Variants in VPS13A observed in about 807,000 individuals in gnomAD.
VPS13A encodes vacuolar protein sorting 13 homolog A.
VPS13A carries 264 observed loss-of-function variants against 390.9 expected under a neutral mutation model. That is an observed-to-expected ratio of 0.68 (90% CI 0.61 to 0.75). The LOEUF (loss-of-function observed/expected upper bound fraction) is 0.75, where lower values mean the gene tolerates loss of function less well. VPS13A is among the 30% of genes least tolerant of loss of function. VPS13A has a pLI of 0.00. For synonymous variants in VPS13A, 1,231 were observed against 1,227.1 expected, an observed-to-expected ratio of 1.00 and a Z score of -0.07; for missense variants, 3,409 against 3,733.9, an observed-to-expected ratio of 0.91 and a Z score of 2.27.
chr9:77,217,644 C>T (rs1046602092), intron 10 of VPS13A, among the ~76,000 whole-genome samples: 1 of 152,142 alleles, frequency 6.6e-6, no homozygotes, highest in African/African-American at 2.4e-5. Context: ...ATGTGATTTT[C>T]TTCTTTTTTT....
chr9:77,264,240 C>T (rs1191772668), intron 23 of VPS13A, among the ~76,000 whole-genome samples: 3 of 152,138 alleles, frequency 2.0e-5, no homozygotes, highest in African/African-American at 4.8e-5. Flanking sequence ...ATGCCTCCAG[C>T]TTTGTTCTTT....
intron 1 of VPS13A, among the ~76,000 whole-genome samples, chr9:77,182,436 G>GC (rs1824078957): frequency 1.3e-5 from 2 of 151,958 alleles, no homozygotes; most frequent in African/African-American, 4.8e-5. Context: ...ATCAGAATCA[G>GC]CCATAGGTGC....
chr9:77,382,198 A>C, intron 68 of VPS13A, 111 bp downstream of exon 68: 1 of 1,355,274 alleles, frequency 7.4e-7, no homozygotes, highest in East Asian at 2.6e-5. Context: ...ATTTTGCTTA[A>C]TTCCACTTAT....
intron 1 of VPS13A, among the ~76,000 whole-genome samples, chr9:77,194,584 T>C (rs1402380625): frequency 6.6e-6 from 1 of 152,106 alleles, no homozygotes. Flanking sequence ...AGCAGCTGTC[T>C]TTGCAACCTC....
chr9:77,406,472 T>C (rs186313419), intron 70 of VPS13A, among the ~76,000 whole-genome samples: 5 of 152,264 alleles, frequency 3.3e-5, no homozygotes, highest in Non-Finnish European at 7.4e-5. Flanking sequence ...CAAGCTGGAG[T>C]GCAGTGGCGC....
intron 68 of VPS13A, chr9:77,384,725 A>G (rs368970576): frequency 5.1e-6 from 8 of 1,562,272 alleles, no homozygotes; most frequent in South Asian, 1.1e-5. Flanking sequence ...TTTCATTAAC[A>G]TGTTTTGTAT....
At chr9:77,301,364 T>C (rs17063519) in intron 33 of VPS13A, among the ~76,000 whole-genome samples, 1,900 of 152,282 alleles carry the variant, frequency 0.012, 75 homozygotes, top group Admixed American at 0.081. Flanking sequence ...AGAAAACCTA[T>C]GTGTGCAGCA....
chr9:77,385,445 TATTATGA>T (rs1833641837), intron 68 of VPS13A, among the ~76,000 whole-genome samples: 1 of 150,426 alleles, frequency 6.6e-6, no homozygotes, highest in Non-Finnish European at 1.5e-5. Context: ...ACTATATTTC[TATTATGA>T]ATTCAGAATA....
rs547850186 is a variant in VPS13A at position 77,195,861 on chromosome 9, GT to G, written c.101-4077del. On this transcript the variant is annotated intron_variant, in intron 1 of 71. Coordinates refer to ENST00000360280, the MANE Select transcript of VPS13A (RefSeq NM_033305.3). ...TTCTGCTAGGTTTGCATTTTGTTTTGTTTTTTTCCCTATTTCCTTAAGGAAT... is the reference window on the plus strand; with the variant it reads ...TTCTGCTAGGTTTGCATTTTGTTTTGTTTTTTCCCTATTTCCTTAAGGAAT... Among the ~76,000 whole-genome samples the G allele has an allele frequency of 5.9e-4, 88 of 150,194 alleles. 3 individuals are homozygous for G. In the Middle Eastern group the frequency reaches 0.027, roughly 46 times the overall value.
At chr9:77,403,650 G>T (rs1338347295) in intron 69 of VPS13A, among the ~76,000 whole-genome samples, 1 of 152,204 alleles carries the variant, frequency 6.6e-6, no homozygotes, top group African/African-American at 2.4e-5. Flanking sequence ...TATCCCAGAA[G>T]TCAGCAGTCC....
intron 67 of VPS13A, among the ~76,000 whole-genome samples, chr9:77,379,285 G>A (rs1833298522): frequency 6.8e-6 from 1 of 147,894 alleles, no homozygotes; most frequent in Non-Finnish European, 1.5e-5. Flanking sequence ...TTGTTGCCCA[G>A]GCTGGAGTGC....
At chr9:77,290,675 A>G (rs545466233) in intron 31 of VPS13A, among the ~76,000 whole-genome samples, 1 of 152,182 alleles carries the variant, frequency 6.6e-6, no homozygotes, top group East Asian at 1.9e-4. Context: ...ATCTTGACCT[A>G]TTTTCAAATC....
chr9:77,318,288 A>G lies in VPS13A; in HGVS notation c.5010A>G (p.Thr1670=), dbSNP rs765201493. The G allele has an allele frequency of 1.2e-5, 19 of 1,609,460 alleles. No homozygotes were observed. Among genetic ancestry groups the G allele is most frequent in the Non-Finnish European group, 1.6e-5 (19 of 1,178,856 alleles). Residue 1670 remains threonine (T), a synonymous_variant, in exon 41 of 72, where the codon ACA becomes ACG. Transcript: ENST00000360280. ...TTACCATAACTTCAGCACTGTATAC[A>G]ACTAAGGAAACCATCCCAGAAGAAA... is the stretch of plus-strand genomic sequence containing the variant. ...TMITITSALY[T]TKETIPEETA...
At chr9:77,332,856 A>G (rs1048887086) in intron 46 of VPS13A, among the ~76,000 whole-genome samples, 28 of 152,340 alleles carry the variant, frequency 1.8e-4, no homozygotes, top group African/African-American at 5.3e-4. Context: ...ACAGAAGGAC[A>G]GAGGCAAAAC....
Position 77,323,159 on chromosome 9 carries a change from A to G in VPS13A, c.5923A>G (p.Arg1975Gly), listed in dbSNP as rs756768950. The G allele has an allele frequency of 2.5e-6, 4 of 1,613,470 alleles. No homozygotes were observed. The African/African-American group carries it at 4.0e-5, about 16-fold the overall frequency. Residue 1975 changes from arginine to glycine, a missense_variant, in exon 45 of 72, where the codon AGA becomes GGA. Around this residue, in one of 5 missense-constraint regions of VPS13A, gnomAD observed 2,717 missense variants for 2,917.4 expected, o/e 0.93. Transcript: ENST00000360280. ...AAGACACAGAGAGTCTGGCGTTGAA[A>G]GATCTATTGTTTGTCAAATTGATAC... The part of the protein sequence containing the change: ...TVRHRESGVE[R>G]SIVCQIDTVE...
chr9:77,225,935 A>G lies in VPS13A; in HGVS notation c.1171A>G (p.Lys391Glu), dbSNP rs1218825770. 6.8e-6 allele frequency: 11 copies of G among 1,611,812 alleles called. No homozygotes were observed. The highest frequency in any genetic ancestry group is 1.3e-5 in the African/African-American group (1 of 74,852). The change falls in exon 14 of 72, where the codon AAA (lysine) becomes GAA (glutamate). Residue 391 changes from lysine (K) to glutamate (E), a missense_variant. Transcript: ENST00000360280. ...TGTTTATATTTTTCAGGAGTTGGAA[A>G]AAACCTTGGATGTCTTTAATATAAC... Reference protein sequence around the residue: ...ELLVSLEELEKTLDVFNITIA... With the variant: ...ELLVSLEELEETLDVFNITIA...
Position 77,396,895 on chromosome 9 carries a change from G to A in VPS13A, c.9190-6341G>A, listed in dbSNP as rs529566996. Among the ~76,000 whole-genome samples, 26 of 152,108 alleles carry A rather than the reference G, an allele frequency of 1.7e-4. 1 individual carries two copies. Among genetic ancestry groups the A allele is most frequent in the African/African-American group, 1.2e-4 (5 of 41,496 alleles). ...TGCTTCCTCTTTCCCACTCATCTCC[G>A]GAACCCTCAAATTAACCAGTCTATA... On this transcript the variant is annotated intron_variant, in intron 68 of 71. Coordinates refer to ENST00000360280, the MANE Select transcript of VPS13A (RefSeq NM_033305.3).
rs11145381 is a variant in VPS13A, at chr9:77,300,225, T to G, written c.3813-2690T>G. The stretch of plus-strand genomic sequence containing the variant: ...TTTTAGAAAATCTAAATCTGCCTTT[T>G]GTTAGAAATTTGATTCTAATATATA... On this transcript the variant is annotated intron_variant, in intron 33 of 71. Transcript: ENST00000360280. Among the ~76,000 whole-genome samples, 4 of 152,188 alleles carry G rather than the reference T, an allele frequency of 2.6e-5. No individual in the cohort carries two copies. In the South Asian group the frequency reaches 8.3e-4, roughly 32 times the overall value.
intron 13 of VPS13A, 118 bp downstream of exon 13, chr9:77,221,474 A>G: frequency 8.7e-7 from 1 of 1,152,432 alleles, no homozygotes; most frequent in Non-Finnish European, 1.2e-6. Context: ...CATCTCTTTT[A>G]CTTAGACTTT....
Sources: gnomAD v4.1 joint callset for allele counts (sites outside exome capture counted in the v4.1 genomes callset) on GRCh38, gnomAD v4.1.1 for gene constraint, gnomAD v4.1.1 regional missense constraint, MANE v1.5 for transcripts, NCBI Gene and HGNC (gene_info 2026-07-23, HGNC 2026-07-21) for gene names.